GRID2: variants seen among roughly 807,000 people sequenced by gnomAD.
The protein encoded by GRID2 is glutamate receptor ionotropic, delta-2.
Under a neutral mutation model 114.8 loss-of-function variants are expected in GRID2, and 33 were observed. The ratio of observed to expected loss-of-function variants is 0.29; its 90% CI spans 0.22 to 0.38. GRID2 has a LOEUF of 0.38. GRID2 is among the 10% of genes least tolerant of loss of function. The pLI, the probability that GRID2 is intolerant of heterozygous loss-of-function variation, is 1.00. For missense variants in GRID2, 1,184 were observed against 1,257.7 expected (o/e 0.94, Z 0.89); for synonymous variants, 505 against 449.9 (o/e 1.12, Z -1.55).
intron 2 of GRID2, among the ~76,000 whole-genome samples, chr4:92,607,934 T>G (rs1729537039): frequency 6.6e-6 from 1 of 151,666 alleles, no homozygotes; most frequent in South Asian, 2.1e-4. Flanking sequence ...AGAAACAAAA[T>G]ACAAAGTTCA....
chr4:93,400,642 C>T (rs767111985), intron 9 of GRID2, among the ~76,000 whole-genome samples: 34 of 152,092 alleles, frequency 2.2e-4, no homozygotes, highest in Non-Finnish European at 1.5e-4. Context: ...AAAAGAAAGG[C>T]GTGCGAAGCT....
intron 14 of GRID2, among the ~76,000 whole-genome samples, chr4:93,714,594 T>C (rs928859278): frequency 6.6e-6 from 1 of 152,188 alleles, no homozygotes; most frequent in African/African-American, 2.4e-5. Flanking sequence ...CAGCATCTGT[T>C]GTTTTTTGAC....
intron 1 of GRID2, among the ~76,000 whole-genome samples, chr4:92,475,547 CA>C (rs1292588808): frequency 6.6e-6 from 1 of 151,870 alleles, no homozygotes; most frequent in African/African-American, 2.4e-5. Flanking sequence ...GATTTTAAGT[CA>C]ATACCATGTT....
At chr4:93,490,910 T>C (rs992069773) in intron 12 of GRID2, 133 bp downstream of exon 12, 3 of 601,006 alleles carry the variant, frequency 5.0e-6, no homozygotes, top group Non-Finnish European at 8.7e-6. Flanking sequence ...CAATTTTGTG[T>C]TACTGCAAAG....
chr4:93,570,944 C>T (rs563722312), intron 13 of GRID2, among the ~76,000 whole-genome samples: 2 of 152,220 alleles, frequency 1.3e-5, no homozygotes, highest in South Asian at 4.1e-4. Flanking sequence ...AAAACTACTT[C>T]CCTCTCCTTC....
chr4:92,827,429 C>A (rs1212933862), intron 2 of GRID2, among the ~76,000 whole-genome samples: 4 of 149,702 alleles, frequency 2.7e-5, no homozygotes, highest in Non-Finnish European at 5.9e-5. Context: ...AGGAGGGAGT[C>A]AATTTTTGTT....
At position 92,382,224 on chromosome 4, in the gene GRID2, A is replaced by G. The variant is rs969884211; in HGVS notation, c.88+77480A>G. Among the ~76,000 whole-genome samples the G allele has an allele frequency of 4.0e-5, 6 of 150,910 alleles. 1 individual carries two copies. Among genetic ancestry groups the G allele is most frequent in the Admixed American group, 2.6e-4 (4 of 15,196 alleles). ...TTCTCTTAAGGTGGTAGAAAATACTATATTTTTAAAGAGGAGCTGAAAAAA... is the reference window on the plus strand; with the variant it reads ...TTCTCTTAAGGTGGTAGAAAATACTGTATTTTTAAAGAGGAGCTGAAAAAA... On this transcript the variant is annotated intron_variant, in intron 1 of 15. Coordinates refer to ENST00000282020, the MANE Select transcript of GRID2 (RefSeq NM_001510.4).
intron 1 of GRID2, among the ~76,000 whole-genome samples, chr4:92,530,909 CG>C (rs1459344991): frequency 2.7e-5 from 4 of 148,960 alleles, no homozygotes; most frequent in Middle Eastern, 3.5e-3. Context: ...TCCATCTTGG[CG>C]GGGGGGGAGA....
intron 14 of GRID2, among the ~76,000 whole-genome samples, chr4:93,675,449 T>C (rs1241959157): frequency 6.6e-6 from 1 of 152,230 alleles, no homozygotes; most frequent in East Asian, 1.9e-4. Context: ...TGTAATTATA[T>C]TGATAGCTAA....
intron 13 of GRID2, among the ~76,000 whole-genome samples, chr4:93,625,894 G>A (rs1246343951): frequency 1.3e-5 from 2 of 151,752 alleles, no homozygotes; most frequent in Non-Finnish European, 2.9e-5. Context: ...CAGCCTGGGC[G>A]ACAGAGCAAG....
chr4:92,399,299 C>G (rs1349794522), intron 1 of GRID2, among the ~76,000 whole-genome samples: 2 of 152,096 alleles, frequency 1.3e-5, no homozygotes, highest in African/African-American at 4.8e-5. Context: ...TGCCTTTTCC[C>G]TTCCTCCGTT....
At chr4:93,366,164 A>G (rs986084481) in intron 8 of GRID2, among the ~76,000 whole-genome samples, 7 of 152,196 alleles carry the variant, frequency 4.6e-5, no homozygotes, top group African/African-American at 1.7e-4. Flanking sequence ...AGGGAATAAG[A>G]GAGATAACCT....
intron 4 of GRID2, among the ~76,000 whole-genome samples, chr4:93,155,803 G>T (rs970032254): frequency 1.3e-5 from 2 of 151,716 alleles, no homozygotes; most frequent in African/African-American, 4.8e-5. Flanking sequence ...AAAAATGACA[G>T]TTACCCAATG....
At chr4:93,038,664 A>C (rs949934704) in intron 2 of GRID2, among the ~76,000 whole-genome samples, 1 of 151,906 alleles carries the variant, frequency 6.6e-6, no homozygotes, top group Non-Finnish European at 1.5e-5. Context: ...GGTGGTGGGC[A>C]CCTGTAGTCC....
At chr4:92,695,656 T>G (rs566249896) in intron 2 of GRID2, among the ~76,000 whole-genome samples, 57 of 152,274 alleles carry the variant, frequency 3.7e-4, no homozygotes, top group African/African-American at 1.3e-3. Flanking sequence ...ATACTGCCAT[T>G]GTCTATACTG....
chr4:93,560,770 G>T (rs969074472), intron 13 of GRID2, among the ~76,000 whole-genome samples: 24 of 152,092 alleles, frequency 1.6e-4, no homozygotes, highest in Non-Finnish European at 3.4e-4. Flanking sequence ...ATGAGCCATA[G>T]GGATGCCTAG....
intron 1 of GRID2, among the ~76,000 whole-genome samples, chr4:92,555,470 A>G (rs1174203284): frequency 6.6e-6 from 1 of 152,168 alleles, no homozygotes; most frequent in Non-Finnish European, 1.5e-5. Context: ...AGTGTTCAGG[A>G]TGATAACAGA....
chr4:92,557,031 A>G (rs1323346598), intron 1 of GRID2, among the ~76,000 whole-genome samples: 1 of 152,164 alleles, frequency 6.6e-6, no homozygotes, highest in Admixed American at 6.6e-5. Context: ...CTATTGCCCA[A>G]CAGAGAAAAC....
chr4:93,519,730 A>G (rs1730143971), intron 13 of GRID2, among the ~76,000 whole-genome samples: 2 of 152,216 alleles, frequency 1.3e-5, no homozygotes, highest in African/African-American at 4.8e-5. Flanking sequence ...TCAGACTATG[A>G]AGTTCCAAGG....
Sources: allele counts gnomAD v4.1 joint callset (sites outside exome capture counted in the v4.1 genomes callset), GRCh38; gene constraint gnomAD v4.1.1; transcripts MANE v1.5; gene names NCBI Gene and HGNC (gene_info 2026-07-23, HGNC 2026-07-21).